ERC2: variants seen among roughly 807,000 people sequenced by gnomAD.
The protein encoded by ERC2 is ELKS/RAB6-interacting/CAST family member 2, also known as ERC protein 2.
ERC2 carries 42 observed loss-of-function variants against 114.8 expected under a neutral mutation model. The observed-to-expected ratio is 0.37, with a 90% CI of 0.29 to 0.47. The LOEUF (loss-of-function observed/expected upper bound fraction) is 0.47, where lower values mean the gene tolerates loss of function less well. Among genes scored for constraint, ERC2 ranks in the 20% least tolerant of loss-of-function variants. ERC2 has a pLI of 0.99. For synonymous variants in ERC2, 454 were observed against 425.5 expected, an observed-to-expected ratio of 1.07 and a Z score of -0.82; for missense variants, 939 against 1,150.7, an observed-to-expected ratio of 0.82 and a Z score of 2.66.
At chr3:56,044,310 C>G (rs1479948584) in intron 7 of ERC2, among the ~76,000 whole-genome samples, 1 of 151,964 alleles carries the variant, frequency 6.6e-6, no homozygotes, top group Non-Finnish European at 1.5e-5. Flanking sequence ...GATGCCTTTT[C>G]ACAATTTTGA....
At chr3:55,717,590 T>C (rs911543087) in intron 15 of ERC2, among the ~76,000 whole-genome samples, 1 of 152,316 alleles carries the variant, frequency 6.6e-6, no homozygotes, top group African/African-American at 2.4e-5. Context: ...ATGTGGTTTC[T>C]GTTTGGTTTG....
At chr3:56,300,733 C>T (rs1009601682) in intron 2 of ERC2, among the ~76,000 whole-genome samples, 1 of 152,138 alleles carries the variant, frequency 6.6e-6, no homozygotes, top group African/African-American at 2.4e-5. Context: ...ACAAAAAGTA[C>T]TTAAGTAACC....
intron 2 of ERC2, among the ~76,000 whole-genome samples, chr3:56,320,052 T>C (rs1470716226): frequency 6.6e-6 from 1 of 152,206 alleles, no homozygotes; most frequent in Non-Finnish European, 1.5e-5. Context: ...CGACAATTCA[T>C]TAATCAGGAA....
chr3:56,012,426 C>A (rs2073017871), intron 8 of ERC2, among the ~76,000 whole-genome samples: 1 of 152,140 alleles, frequency 6.6e-6, no homozygotes, highest in Non-Finnish European at 1.5e-5. Flanking sequence ...GATCATCCTC[C>A]CAGCCCCACT....
intron 13 of ERC2, among the ~76,000 whole-genome samples, chr3:55,939,104 TGAG>T (rs1351518112): frequency 6.6e-6 from 1 of 152,254 alleles, no homozygotes; most frequent in Non-Finnish European, 1.5e-5. Context: ...GTTTTCTTAA[TGAG>T]GTACAATTTT....
chr3:55,801,488 A>C (rs2071044903), intron 14 of ERC2, among the ~76,000 whole-genome samples: 2 of 152,326 alleles, frequency 1.3e-5, no homozygotes, highest in South Asian at 2.1e-4. Context: ...GGTTTGTCTA[A>C]AAACCAGGTT....
intron 12 of ERC2, among the ~76,000 whole-genome samples, chr3:55,954,968 A>G (rs1321694584): frequency 6.6e-6 from 1 of 152,184 alleles, no homozygotes; most frequent in Non-Finnish European, 1.5e-5. Flanking sequence ...ATAATATAAA[A>G]TCAGGCTCGC....
intron 14 of ERC2, among the ~76,000 whole-genome samples, chr3:55,784,239 T>C (rs944558235): frequency 1.7e-4 from 26 of 152,280 alleles, no homozygotes; most frequent in Admixed American, 1.1e-3. Context: ...GATTTTTTTT[T>C]CCCCTATACC....
chr3:56,175,425 C>T (rs1307026319), intron 3 of ERC2, among the ~76,000 whole-genome samples: 1 of 152,184 alleles, frequency 6.6e-6, no homozygotes, highest in East Asian at 1.9e-4. Context: ...GAAAGAGATC[C>T]TGTGTCCCTC....
intron 1 of ERC2, among the ~76,000 whole-genome samples, chr3:56,449,994 G>A (rs377699714): frequency 7.2e-5 from 11 of 152,292 alleles, no homozygotes; most frequent in African/African-American, 2.6e-4. Flanking sequence ...AGAGAAAAAT[G>A]GACATTGCCT....
chr3:55,704,832 C>T (rs185999291), intron 15 of ERC2, among the ~76,000 whole-genome samples: 16 of 152,358 alleles, frequency 1.1e-4, no homozygotes, highest in Non-Finnish European at 2.2e-4. Flanking sequence ...GAAATTCACT[C>T]AACACTTACT....
chr3:55,808,213 T>C (rs893051588), intron 14 of ERC2, among the ~76,000 whole-genome samples: 2 of 152,146 alleles, frequency 1.3e-5, no homozygotes, highest in African/African-American at 4.8e-5. Flanking sequence ...CGGCAGGTCA[T>C]GCTGGCTCAA....
intron 7 of ERC2, among the ~76,000 whole-genome samples, chr3:56,033,203 A>G: frequency 6.6e-6 from 1 of 152,064 alleles, no homozygotes; most frequent in East Asian, 1.9e-4. Flanking sequence ...ACCAGCCTGG[A>G]CAACAGAGTG....
chr3:55,599,748 C>T (rs1276352129), intron 17 of ERC2, among the ~76,000 whole-genome samples: 2 of 152,170 alleles, frequency 1.3e-5, no homozygotes, highest in East Asian at 3.8e-4. Context: ...ACATTTTGAT[C>T]AGGTTGAAGA....
intron 6 of ERC2, among the ~76,000 whole-genome samples, chr3:56,133,488 T>C (rs1023241025): frequency 1.3e-5 from 2 of 152,130 alleles, no homozygotes; most frequent in African/African-American, 4.8e-5. Flanking sequence ...TAAGTCATCT[T>C]CCTGACATGA....
rs955520136 is a variant in ERC2 at position 55,757,596 on chromosome 3, A to G, written c.2565-22678T>C. The stretch of plus-strand genomic sequence containing the variant: ...CTACTAAATAATTCTAATAATAATT[A>G]TTTCACAGGATTGCTGTGAGAAATC... On this transcript the variant is annotated intron_variant, in intron 14 of 17. Coordinates refer to ENST00000288221, the MANE Select transcript of ERC2 (RefSeq NM_015576.3). Among the ~76,000 whole-genome samples the G allele has an allele frequency of 3.3e-5, 5 of 152,172 alleles. No homozygotes were observed. The East Asian group carries it at 7.7e-4, about 23-fold the overall frequency.
At position 56,191,860 on chromosome 3, in the gene ERC2, C is replaced by T. The variant is rs927355266; in HGVS notation, c.1075-18340G>A. Among the ~76,000 whole-genome samples, 6 of 151,244 alleles carry T rather than the reference C, an allele frequency of 4.0e-5. 1 individual carries two copies. The highest frequency in any genetic ancestry group is 5.9e-5 in the Non-Finnish European group (4 of 67,712). On this transcript the variant is annotated intron_variant, in intron 3 of 17. Transcript: ENST00000288221. ...ACTCAAATCTCATCTGCTGCACAGG[C>T]CACACACACACACACCTGTGCACAA...
intron 12 of ERC2, among the ~76,000 whole-genome samples, chr3:55,954,710 T>G (rs1467817337): frequency 1.3e-5 from 2 of 152,214 alleles, no homozygotes; most frequent in Admixed American, 1.3e-4. Flanking sequence ...TCTCTCATAT[T>G]GGTCAGGAGG....
intron 17 of ERC2, among the ~76,000 whole-genome samples, chr3:55,533,411 C>T (rs528310841): frequency 1.3e-5 from 2 of 152,316 alleles, no homozygotes; most frequent in East Asian, 3.9e-4. Flanking sequence ...CCTTAGGAAC[C>T]AACGTTTGCT....
Sources: allele counts gnomAD v4.1 joint callset (sites outside exome capture counted in the v4.1 genomes callset), GRCh38; gene constraint gnomAD v4.1.1; transcripts MANE v1.5; gene names NCBI Gene and HGNC (gene_info 2026-07-23, HGNC 2026-07-21).